Variants in KCNIP4 observed in about 807,000 individuals in gnomAD.
KCNIP4 encodes the protein Kv channel-interacting protein 4.
KCNIP4 carries 12 observed loss-of-function variants against 34.0 expected under a neutral mutation model. The observed-to-expected ratio is 0.35, with a 90% CI of 0.23 to 0.57. KCNIP4 has a LOEUF of 0.57. Among genes scored for constraint, KCNIP4 ranks in the 20% least tolerant of loss-of-function variants. The probability of loss-of-function intolerance (pLI) is 0.83; values close to 1 mark genes in which losing one functional copy is unlikely to be tolerated. For synonymous variants in KCNIP4, 124 were observed against 102.2 expected, an observed-to-expected ratio of 1.21 and a Z score of -1.29; for missense variants, 238 against 311.7, an observed-to-expected ratio of 0.76 and a Z score of 1.78.
Position 20,736,117 on chromosome 4 carries a change from C to T in KCNIP4, c.430-1382G>A, listed in dbSNP as rs144134293. Among the ~76,000 whole-genome samples the T allele has an allele frequency of 4.8e-4, 73 of 152,286 alleles. No individual in the cohort carries two copies. The South Asian group carries it at 6.2e-3, about 13-fold the overall frequency. On this transcript the variant is annotated intron_variant, in intron 5 of 8. Transcript: ENST00000382152. ...AAAATCTTTCTTCCCTTCCTGGACC[C>T]AGCCACCTGTTCCTTTCACTCATAG... is the stretch of plus-strand genomic sequence containing the variant.
intron 1 of KCNIP4, among the ~76,000 whole-genome samples, chr4:21,433,745 C>A (rs1174362679): frequency 6.6e-6 from 1 of 152,132 alleles, no homozygotes; most frequent in East Asian, 1.9e-4. Flanking sequence ...CTGCTATAGC[C>A]AATTTCCTTC....
intron 1 of KCNIP4, among the ~76,000 whole-genome samples, chr4:21,335,983 G>T (rs1716139863): frequency 6.6e-6 from 1 of 151,994 alleles, no homozygotes; most frequent in Non-Finnish European, 1.5e-5. Flanking sequence ...AAGCATGACT[G>T]TCCTCACACA....
At chr4:20,774,543 A>G (rs977734855) in intron 3 of KCNIP4, among the ~76,000 whole-genome samples, 2 of 152,226 alleles carry the variant, frequency 1.3e-5, no homozygotes, top group African/African-American at 4.8e-5. Context: ...AGACAGATGA[A>G]GTCCCTCCTG....
chr4:20,731,204 A>G (rs1748076035), intron 8 of KCNIP4: 1 of 163,396 alleles, frequency 6.1e-6, no homozygotes, highest in South Asian at 2.0e-4. Flanking sequence ...CAAGTAGCTG[A>G]GACTTCAGCC....
chr4:21,097,743 G>C (rs865945907), intron 1 of KCNIP4, among the ~76,000 whole-genome samples: 1 of 151,910 alleles, frequency 6.6e-6, no homozygotes, highest in Non-Finnish European at 1.5e-5. Flanking sequence ...CATATTCCCT[G>C]AGAAAAAACA....
At chr4:20,971,562 A>T (rs548428089) in intron 1 of KCNIP4, among the ~76,000 whole-genome samples, 1 of 152,220 alleles carries the variant, frequency 6.6e-6, no homozygotes, top group Non-Finnish European at 1.5e-5. Context: ...TGTCTAAAAA[A>T]CAATGTGCAA....
rs35619474 is a variant in KCNIP4, at chr4:21,765,158, CTTT to C, written c.61+183410_61+183412del. On this transcript the variant is annotated intron_variant, in intron 1 of 8. Coordinates refer to ENST00000382152, the MANE Select transcript of KCNIP4 (RefSeq NM_025221.6). ...GTCATTGTTTTATTATGAAGAGAAC[CTTT>C]TTTTTTTTTTCCGAGACAGAGTCTT... is the stretch of plus-strand genomic sequence containing the variant. Among the ~76,000 whole-genome samples, 56 of 146,336 alleles carry C rather than the reference CTTT, an allele frequency of 3.8e-4. No individual in the cohort carries two copies. In the East Asian group the frequency reaches 0.011, roughly 29 times the overall value.
At chr4:20,930,099 G>T (rs1205359021) in intron 1 of KCNIP4, among the ~76,000 whole-genome samples, 2 of 151,904 alleles carry the variant, frequency 1.3e-5, no homozygotes, top group African/African-American at 4.8e-5. Flanking sequence ...CAAAGCTTGA[G>T]GCATCACACT....
intron 3 of KCNIP4, among the ~76,000 whole-genome samples, chr4:20,790,459 G>A (rs1712590685): frequency 1.3e-5 from 2 of 151,962 alleles, no homozygotes; most frequent in African/African-American, 2.4e-5. Flanking sequence ...ATTTTTAAAA[G>A]CATTTAAACT....
chr4:21,414,394 A>C (rs1379312413), intron 1 of KCNIP4, among the ~76,000 whole-genome samples: 1 of 152,216 alleles, frequency 6.6e-6, no homozygotes, highest in Non-Finnish European at 1.5e-5. Context: ...TTATCACCTC[A>C]CATGTATCAG....
chr4:20,940,202 T>G (rs916370459), intron 1 of KCNIP4, among the ~76,000 whole-genome samples: 19 of 152,184 alleles, frequency 1.2e-4, no homozygotes, highest in African/African-American at 4.6e-4. Flanking sequence ...CAGTCAACAT[T>G]TCTTCTAGGA....
intron 1 of KCNIP4, among the ~76,000 whole-genome samples, chr4:21,424,337 C>T (rs1382513648): frequency 6.6e-6 from 1 of 151,510 alleles, no homozygotes; most frequent in South Asian, 2.1e-4. Flanking sequence ...ATTTGGGAGG[C>T]CAAGGTGGGA....
chr4:21,851,314 AGG>A (rs1329298896), intron 1 of KCNIP4: 1 of 152,134 alleles, frequency 6.6e-6, no homozygotes, highest in African/African-American at 2.4e-5. Context: ...CTCATTCATA[AGG>A]GGGAGCTAAA....
chr4:21,397,357 T>A (rs1723093604), intron 1 of KCNIP4, among the ~76,000 whole-genome samples: 1 of 152,086 alleles, frequency 6.6e-6, no homozygotes, highest in Non-Finnish European at 1.5e-5. Flanking sequence ...GGTATTAATA[T>A]TTTTTTCCAT....
intron 1 of KCNIP4, among the ~76,000 whole-genome samples, chr4:20,986,918 T>G (rs766105739): frequency 1.4e-5 from 2 of 139,532 alleles, no homozygotes; most frequent in Non-Finnish European, 3.1e-5. Context: ...TTAGTTACAT[T>G]TACCACATGC....
intron 1 of KCNIP4, among the ~76,000 whole-genome samples, chr4:21,416,773 C>T (rs936092367): frequency 6.6e-6 from 1 of 152,090 alleles, no homozygotes; most frequent in African/African-American, 2.4e-5. Context: ...GTAGTATAAC[C>T]ATCTTTCCTG....
chr4:21,560,082 T>C (rs1441418152), intron 1 of KCNIP4, among the ~76,000 whole-genome samples: 1 of 152,060 alleles, frequency 6.6e-6, no homozygotes, highest in Non-Finnish European at 1.5e-5. Flanking sequence ...AGCCATTTGT[T>C]TTTCTCCCCC....
At chr4:21,246,445 A>G (rs1760209643) in intron 1 of KCNIP4, among the ~76,000 whole-genome samples, 1 of 152,216 alleles carries the variant, frequency 6.6e-6, no homozygotes, top group African/African-American at 2.4e-5. Context: ...CATCATTTGA[A>G]CCATTACTGC....
chr4:21,454,879 T>C (rs1164932811), intron 1 of KCNIP4, among the ~76,000 whole-genome samples: 1 of 152,066 alleles, frequency 6.6e-6, no homozygotes, highest in East Asian at 1.9e-4. Flanking sequence ...GATACAGGGG[T>C]AGGAATCCAA....
Sources: allele counts gnomAD v4.1 joint callset (sites outside exome capture counted in the v4.1 genomes callset), GRCh38; gene constraint gnomAD v4.1.1; transcripts MANE v1.5; gene names NCBI Gene and HGNC (gene_info 2026-07-23, HGNC 2026-07-21).